POMZP3: variants seen among roughly 807,000 people sequenced by gnomAD.
The protein encoded by POMZP3 is POM121 and ZP3 fusion, also known as POM121 and ZP3 fusion protein.
A neutral mutation model predicts 19.8 loss-of-function variants in POMZP3; 10 were observed. The observed-to-expected ratio is 0.51, with a 90% CI of 0.31 to 0.86. The LOEUF is 0.86. Among genes scored for constraint, POMZP3 ranks in the 40% least tolerant of loss-of-function variants. The probability of loss-of-function intolerance (pLI) is 0.04; values close to 1 mark genes in which losing one functional copy is unlikely to be tolerated. For missense variants in POMZP3, 152 were observed against 228.1 expected, an observed-to-expected ratio of 0.67 and a Z score of 2.15; for synonymous variants, 57 against 85.8, an observed-to-expected ratio of 0.66 and a Z score of 1.85.
chr7:76,616,198 T>A (rs1311674883), intron 4 of POMZP3, among the ~76,000 whole-genome samples: 3 of 141,266 alleles, frequency 2.1e-5, no homozygotes, highest in African/African-American at 5.3e-5. Context: ...GCAGGAGAAT[T>A]GCTTGCACCC....
rs563890367 is a variant in POMZP3, at chr7:76,625,623, A to C, written c.126T>G (p.Cys42Trp). 34 of 1,613,806 alleles carry C rather than the reference A, an allele frequency of 2.1e-5. 1 individual carries two copies. In the East Asian group the frequency reaches 7.1e-4, roughly 34 times the overall value. Residue 42 changes from cysteine (C) to tryptophan (W), a missense_variant, in exon 3 of 7, where the codon TGT (cysteine) becomes TGG (tryptophan). Cys to Trp is a radical substitution (Grantham distance 215). Transcript: ENST00000310842. Reference sequence around the variant, plus strand: ...GGGCACTCAGTACAGTCTCCTTTGCACATGGGTCTGGGGCATTACTTGATG... The same window carrying C: ...GGGCACTCAGTACAGTCTCCTTTGCCCATGGGTCTGGGGCATTACTTGATG... ...SSPSSNAPDP[C>W]AKETVLSALK... is the part of the protein sequence containing the mutation.
In POMZP3 at chr7:76,626,167, G is replaced by A. The variant is rs986862200; in HGVS notation, c.-103C>T. On this transcript the variant is annotated 5_prime_UTR_variant, in exon 2 of 7. Transcript: ENST00000310842. ...AATACTGGGCCTGATGGATCGGATA[G>A]CGTCTTCGAGGTGTTATTACAAACC... 2.5e-6 allele frequency: 4 copies of A among 1,594,950 alleles called. No homozygotes were observed. The African/African-American group carries it at 4.0e-5, about 16-fold the overall frequency.
At position 76,621,663 on chromosome 7, in the gene POMZP3, G is replaced by A. The variant is rs568890869; in HGVS notation, c.228-3363C>T. On this transcript the variant is annotated intron_variant, in intron 3 of 6. Coordinates refer to ENST00000310842, the MANE Select transcript of POMZP3 (RefSeq NM_012230.5). ...GATAAAACAGGTTGCAGTGATGGCC[G>A]GGCGCGGTGGCTCACGCCTGTAATC... 4.6e-5 allele frequency among the ~76,000 whole-genome samples: 7 copies of A among 151,786 alleles called. No homozygotes were observed. The South Asian group carries it at 8.3e-4, about 18-fold the overall frequency.
intron 3 of POMZP3, among the ~76,000 whole-genome samples, chr7:76,624,520 G>T (rs765859063): frequency 6.6e-6 from 1 of 151,074 alleles, no homozygotes; most frequent in Non-Finnish European, 1.5e-5. Context: ...GTCTCGGCTC[G>T]CTGCAACCTC....
At chr7:76,620,434 A>C (rs1815490541) in intron 3 of POMZP3, among the ~76,000 whole-genome samples, 1 of 147,468 alleles carries the variant, frequency 6.8e-6, no homozygotes, top group African/African-American at 2.6e-5. Flanking sequence ...ACCTTATTTT[A>C]GATTTGCCAC....
intron 3 of POMZP3, among the ~76,000 whole-genome samples, chr7:76,624,006 A>G (rs534348070): frequency 9.0e-5 from 13 of 144,446 alleles, no homozygotes; most frequent in Non-Finnish European, 1.7e-4. Flanking sequence ...GACGTGAAAA[A>G]AAGTTATGAG....
intron 3 of POMZP3, among the ~76,000 whole-genome samples, chr7:76,623,048 G>C (rs1414087642): frequency 1.3e-5 from 2 of 151,246 alleles, no homozygotes; most frequent in Non-Finnish European, 3.0e-5. Context: ...TTCATATTTT[G>C]TTTGGTAGAG....
At chr7:76,623,569 T>C (rs1193080427) in intron 3 of POMZP3, among the ~76,000 whole-genome samples, 1 of 147,618 alleles carries the variant, frequency 6.8e-6, no homozygotes, top group East Asian at 2.0e-4. Context: ...GAGGCTGAGG[T>C]GGGTGGATCA....
Position 76,622,381 on chromosome 7 carries a change from T to G in POMZP3, c.227+3141A>C, listed in dbSNP as rs1454516267. Among the ~76,000 whole-genome samples the G allele has an allele frequency of 6.7e-5, 8 of 119,208 alleles. No individual in the cohort carries two copies. The South Asian group carries it at 1.5e-3, about 22-fold the overall frequency. The allele number at this position is 119,208 out of a possible 152,430, so 78.2% of individuals were successfully genotyped here. ...TAACACTATCATTCTCAAGTTTTTT[T>G]TTTTTTTTTTTTTTTGAGATGGAGT... On this transcript the variant is annotated intron_variant, in intron 3 of 6. Transcript: ENST00000310842.
At chr7:76,626,509 G>A (rs1268511919) in intron 1 of POMZP3, 199 bp downstream of exon 1, 41 of 600,862 alleles carry the variant, frequency 6.8e-5, no homozygotes, top group South Asian at 3.3e-4. Context: ...CTGGAAAGAA[G>A]GGAATCGTTT....
rs374205739 is a variant in POMZP3 at position 76,611,830 on chromosome 7, C to T, written c.346-17G>A. ...GATGTATATCTGCAAGGAATAACAG[C>T]TATTTCCAGGCCGAGTTCCAGGCTG... is the stretch of plus-strand genomic sequence containing the variant. On this transcript the variant is annotated splice_polypyrimidine_tract_variant and intron_variant, in intron 4 of 6. Transcript: ENST00000310842. 1.1e-4 allele frequency: 174 copies of T among 1,548,922 alleles called. No homozygotes were observed. The African/African-American group carries it at 2.1e-3, about 18-fold the overall frequency.
chr7:76,618,417 T>G, intron 3 of POMZP3, 117 bp from the exon 4 acceptor site: 1 of 938,390 alleles, frequency 1.1e-6, no homozygotes, highest in Non-Finnish European at 1.7e-6. Flanking sequence ...AGGTCAGGAG[T>G]TCGAGACTAG....
intron 3 of POMZP3, among the ~76,000 whole-genome samples, chr7:76,622,778 C>A (rs1181031754): frequency 3.3e-5 from 5 of 151,760 alleles, no homozygotes; most frequent in Non-Finnish European, 5.9e-5. Context: ...TGAGCTCAAG[C>A]GATCTTCCTA....
Position 76,627,143 on chromosome 7 carries a change from G to A in POMZP3, c.-587C>T. 1.4e-6 allele frequency: 2 copies of A among 1,446,960 alleles called. No homozygotes were observed. The highest frequency in any genetic ancestry group is 1.8e-6 in the Non-Finnish European group (2 of 1,090,454). 89.6% of individuals were successfully genotyped at this position (1,446,960 alleles called of 1,614,324 possible). A position where few individuals can be genotyped will look rare whatever the true frequency, so the allele number is the denominator to read the frequency against. ...GCAGCCGCAGCAGGCACGAGGTACA[G>A]TAGGAGGCCGACCAGCGACAGGCCG... On this transcript the variant is annotated 5_prime_UTR_variant, in exon 1 of 7. Transcript: ENST00000310842.
At chr7:76,625,132 C>CAAAA (rs59816962) in intron 3 of POMZP3, among the ~76,000 whole-genome samples, 1 of 54,388 alleles carries the variant, frequency 1.8e-5, no homozygotes, top group African/African-American at 7.0e-5. Flanking sequence ...GACTCCAACT[C>CAAAA]AAAAAAAAAA....
rs571003942 is a variant in POMZP3, at chr7:76,620,528, G to C, written c.228-2228C>G. Among the ~76,000 whole-genome samples, 3 of 150,118 alleles carry C rather than the reference G, an allele frequency of 2.0e-5. 1 individual carries two copies. The highest frequency in any genetic ancestry group is 4.4e-5 in the Non-Finnish European group (3 of 67,980). Reference sequence around the variant, plus strand: ...TTCTTGCCCAAGCTAGAGTGCAATGGTATGATCCCGGCTCATGCAACTTCC... The same window carrying C: ...TTCTTGCCCAAGCTAGAGTGCAATGCTATGATCCCGGCTCATGCAACTTCC... On this transcript the variant is annotated intron_variant, in intron 3 of 6. Coordinates refer to ENST00000310842, the MANE Select transcript of POMZP3 (RefSeq NM_012230.5).
intron 3 of POMZP3, among the ~76,000 whole-genome samples, chr7:76,618,775 T>G (rs1401627040): frequency 6.6e-6 from 1 of 152,022 alleles, no homozygotes; most frequent in African/African-American, 2.4e-5. Context: ...GGTAGGGGGA[T>G]AAGCTGAAGA....
chr7:76,620,720 A>G (rs573606388), intron 3 of POMZP3, among the ~76,000 whole-genome samples: 40 of 151,956 alleles, frequency 2.6e-4, no homozygotes, highest in Non-Finnish European at 4.9e-4. Context: ...TGCCTGCCTC[A>G]GCCTCCCAAA....
At chr7:76,624,544 C>G (rs1815750783) in intron 3 of POMZP3, among the ~76,000 whole-genome samples, 1 of 151,602 alleles carries the variant, frequency 6.6e-6, no homozygotes. Flanking sequence ...CTCCTGGGTT[C>G]AAGCAATTCT....
Sources: allele counts gnomAD v4.1 joint callset (sites outside exome capture counted in the v4.1 genomes callset), GRCh38; gene constraint gnomAD v4.1.1; transcripts MANE v1.5; gene names NCBI Gene and HGNC (gene_info 2026-07-23, HGNC 2026-07-21).